The following RBM47 variants were observed in gnomAD, a reference collection of about 807,000 sequenced individuals.
RBM47 encodes the protein RNA binding motif protein 47.
RBM47 carries 21 observed loss-of-function variants against 47.1 expected under a neutral mutation model. That is an observed-to-expected ratio of 0.45 (90% CI 0.32 to 0.64). The LOEUF (loss-of-function observed/expected upper bound fraction) is 0.64. Among genes scored for constraint, RBM47 ranks in the 30% least tolerant of loss-of-function variants. The pLI is 0.05. For synonymous variants in RBM47, 375 were observed against 361.7 expected (o/e 1.04, Z -0.42); for missense variants, 708 against 870.9 (o/e 0.81, Z 2.35).
chr4:40,549,689 A>AT (rs1318945352), intron 1 of RBM47, among the ~76,000 whole-genome samples: 7 of 144,146 alleles, frequency 4.9e-5, no homozygotes, highest in African/African-American at 1.0e-4. Context: ...TGCCCAGCTA[A>AT]TTTTTTTTTG....
chr4:40,581,121 A>G (rs1278365561), intron 1 of RBM47, among the ~76,000 whole-genome samples: 2 of 152,150 alleles, frequency 1.3e-5, no homozygotes, highest in African/African-American at 4.8e-5. Context: ...CTTGGGTTTT[A>G]GTCTAAAGAA....
At chr4:40,452,840 C>CTTTTTTTTTTTTT (rs34438216) in intron 3 of RBM47, among the ~76,000 whole-genome samples, 1 of 125,102 alleles carries the variant, frequency 8.0e-6, no homozygotes. Context: ...TGATTTCCTT[C>CTTTTTTTTTTTTT]TTTTTTTTTT....
intron 1 of RBM47, among the ~76,000 whole-genome samples, chr4:40,615,736 A>C (rs548579463): frequency 6.6e-6 from 1 of 152,102 alleles, no homozygotes; most frequent in South Asian, 2.1e-4. Context: ...AGCCAAGATC[A>C]CGCCACTGCA....
chr4:40,600,999 A>AAAAAAAAAAAAAAAAAAG (rs1338188731), intron 1 of RBM47, among the ~76,000 whole-genome samples: 9 of 147,364 alleles, frequency 6.1e-5, no homozygotes, highest in African/African-American at 1.8e-4. Flanking sequence ...AAAAAAAAAA[A>AAAAAAAAAAAAAAAAAAG]AAAGAAAGAA....
chr4:40,620,199 A>G lies in RBM47; in HGVS notation c.-240+9197T>C, dbSNP rs1368782114. Among the ~76,000 whole-genome samples the G allele has an allele frequency of 1.5e-4, 14 of 92,026 alleles. No individual in the cohort carries two copies. In the South Asian group the frequency reaches 4.0e-3, roughly 26 times the overall value. The allele number at this position is 92,026 out of a possible 152,430, so 60.4% of individuals were successfully genotyped here. A position where few individuals can be genotyped will look rare whatever the true frequency, so the allele number is the denominator to read the frequency against. On this transcript the variant is annotated intron_variant, in intron 1 of 6. Transcript: ENST00000295971. The stretch of plus-strand genomic sequence containing the variant: ...CGATAGAGTGAGACTCAGTATGAAA[A>G]AAAAAAAAAAAAAAAAAAAAACTCT...
chr4:40,625,966 T>C (rs1737700343), intron 1 of RBM47, among the ~76,000 whole-genome samples: 1 of 152,190 alleles, frequency 6.6e-6, no homozygotes, highest in Non-Finnish European at 1.5e-5. Context: ...AAAGCAGAGA[T>C]TGTGCTTTTG....
rs147094340 is a variant in RBM47 at position 40,430,460 on chromosome 4, G to A, written c.1542+2191C>T. 2.4e-3 allele frequency among the ~76,000 whole-genome samples: 366 copies of A among 152,304 alleles called. 1 individual carries two copies. Among genetic ancestry groups the A allele is most frequent in the Middle Eastern group, 0.01 (3 of 294 alleles). ...TGCTACGCTATAGTAAATATTTACC[G>A]TCAGTCCACAAGTATTATAACTATA... On this transcript the variant is annotated intron_variant, in intron 6 of 6. Coordinates refer to ENST00000295971, the MANE Select transcript of RBM47 (RefSeq NM_001098634.2).
intron 2 of RBM47, among the ~76,000 whole-genome samples, chr4:40,482,023 C>G (rs370970380): frequency 2.0e-5 from 3 of 152,128 alleles, no homozygotes; most frequent in Admixed American, 1.3e-4. Context: ...TGTGAGCCAC[C>G]GTACCTGGCC....
chr4:40,537,990 C>T (rs569204403), intron 2 of RBM47, among the ~76,000 whole-genome samples: 24 of 151,640 alleles, frequency 1.6e-4, no homozygotes, highest in Non-Finnish European at 2.7e-4. Flanking sequence ...CAGGCGTGTG[C>T]GTGTGCCACC....
intron 2 of RBM47, chr4:40,543,682 C>A (rs1728753536): frequency 6.6e-6 from 1 of 152,022 alleles, no homozygotes. Context: ...TAGTCAGTCC[C>A]AGCTACTCGG....
chr4:40,486,183 A>G lies in RBM47; in HGVS notation c.-154-19484T>C, dbSNP rs556641774. 2.0e-5 allele frequency among the ~76,000 whole-genome samples: 3 copies of G among 152,102 alleles called. No homozygotes were observed. The East Asian group carries it at 5.8e-4, about 29-fold the overall frequency. ...ATCTGAATTTCAAATTGAACTAAACATTGGTCCCAATCACTCTTCCTTTTT... is the reference window on the plus strand; with the variant it reads ...ATCTGAATTTCAAATTGAACTAAACGTTGGTCCCAATCACTCTTCCTTTTT... On this transcript the variant is annotated intron_variant, in intron 2 of 6. Coordinates refer to ENST00000295971, the MANE Select transcript of RBM47 (RefSeq NM_001098634.2).
chr4:40,428,949 T>A (rs989790827), intron 6 of RBM47, among the ~76,000 whole-genome samples: 1 of 152,176 alleles, frequency 6.6e-6, no homozygotes, highest in Admixed American at 6.5e-5. Flanking sequence ...ATGGTTTCAG[T>A]TACCCGCGGT....
intron 2 of RBM47, among the ~76,000 whole-genome samples, chr4:40,509,111 G>T (rs1176629988): frequency 1.3e-5 from 2 of 151,962 alleles, no homozygotes; most frequent in East Asian, 3.8e-4. Flanking sequence ...AGTGAGCCGA[G>T]ATTGTGCCAC....
At chr4:40,436,331 G>A in intron 5 of RBM47, 110 bp downstream of exon 5, 1 of 1,056,156 alleles carries the variant, frequency 9.5e-7, no homozygotes, top group East Asian at 2.4e-5. Flanking sequence ...CCTAGGAGAA[G>A]AGGAACCCCT....
chr4:40,447,854 C>T (rs189747458), intron 3 of RBM47, among the ~76,000 whole-genome samples: 3,948 of 152,044 alleles, frequency 0.026, 167 homozygotes, highest in African/African-American at 0.09. Flanking sequence ...ACTAAAAATA[C>T]AAAAAAATTA....
chr4:40,578,028 C>T (rs1038065913), intron 1 of RBM47, among the ~76,000 whole-genome samples: 10 of 152,240 alleles, frequency 6.6e-5, no homozygotes, highest in Middle Eastern at 3.4e-3. Context: ...TTGGACTAAA[C>T]TTCTGCAACT....
chr4:40,545,966 C>T (rs890644035), intron 1 of RBM47, among the ~76,000 whole-genome samples: 1 of 151,936 alleles, frequency 6.6e-6, no homozygotes, highest in East Asian at 1.9e-4. Flanking sequence ...CAATGAAGGG[C>T]GGCTATGATT....
intron 1 of RBM47, among the ~76,000 whole-genome samples, chr4:40,610,359 A>C (rs1388850244): frequency 6.6e-6 from 1 of 151,954 alleles, no homozygotes; most frequent in Admixed American, 6.6e-5. Flanking sequence ...GCGGTGGCTC[A>C]TGCCTGTAAT....
At chr4:40,429,485 G>A (rs1163862811) in intron 6 of RBM47, among the ~76,000 whole-genome samples, 1 of 151,872 alleles carries the variant, frequency 6.6e-6, no homozygotes, top group African/African-American at 2.4e-5. Context: ...GATAAGGGGG[G>A]ACCAGTATAC....
Sources: allele counts gnomAD v4.1 joint callset (sites outside exome capture counted in the v4.1 genomes callset), GRCh38; gene constraint gnomAD v4.1.1; transcripts MANE v1.5; gene names NCBI Gene and HGNC (gene_info 2026-07-23, HGNC 2026-07-21).